The following UGT1A4 variants were observed in gnomAD, a reference collection of about 807,000 sequenced individuals.
UGT1A4 encodes the protein UDP glucuronosyltransferase family 1 member A4, also known as UDP-glucuronosyltransferase 1A4.
UGT1A4 carries 32 observed loss-of-function variants against 41.1 expected under a neutral mutation model. That is an observed-to-expected ratio of 0.78 (90% confidence interval 0.59 to 1.05). The LOEUF is 1.05. UGT1A4 is among the 50% of genes least tolerant of loss of function. The pLI, the probability that UGT1A4 is intolerant of heterozygous loss-of-function variation, is 0.00. For synonymous variants in UGT1A4, 283 were observed against 265.1 expected (o/e 1.07, Z -0.66); for missense variants, 748 against 677.4 (o/e 1.10, Z -1.16).
At chr2:233,760,143 G>C (rs2125979116) in intron 1 of UGT1A4, 1 of 1,431,624 alleles carries the variant, frequency 7.0e-7, no homozygotes, top group Non-Finnish European at 9.3e-7. Flanking sequence ...ATCTCTGAAA[G>C]TGAACTCCCT....
chr2:233,723,522 T>TC (rs2077093722), intron 1 of UGT1A4, among the ~76,000 whole-genome samples: 1 of 114,298 alleles, frequency 8.7e-6, no homozygotes. Flanking sequence ...CAATCTTTTT[T>TC]TTTTTTTTTT....
Position 233,767,867 on chromosome 2 carries a change from G to A in UGT1A4, c.1018G>A (p.Gly340Arg). ...CTCCCAGGTCCTGTGGCGGTACACTGGAACCCGACCATCGAATCTTGCGAA... is the reference window on the plus strand; with the variant it reads ...CTCCCAGGTCCTGTGGCGGTACACTAGAACCCGACCATCGAATCTTGCGAA... ...IPQTVLWRYT[G>R]TRPSNLANNT... Residue 340 changes from glycine to arginine, a missense_variant, in exon 3 of 5, where the codon GGA (glycine) becomes AGA (arginine). Coordinates refer to ENST00000373409, the MANE Select transcript of UGT1A4 (RefSeq NM_007120.3). The A allele has an allele frequency of 1.2e-6, 2 of 1,614,118 alleles. No individual in the cohort carries two copies. Among genetic ancestry groups the A allele is most frequent in the Non-Finnish European group, 1.7e-6 (2 of 1,180,024 alleles).
Position 233,719,574 on chromosome 2 carries a change from G to A in UGT1A4, c.754G>A (p.Ala252Thr), listed in dbSNP as rs2076782937. 1 of 1,613,926 alleles carries A rather than the reference G, an allele frequency of 6.2e-7. No homozygotes were observed. Among genetic ancestry groups the A allele is most frequent in the Non-Finnish European group, 8.5e-7 (1 of 1,179,874 alleles). Residue 252 changes from alanine (A) to threonine (T), a missense_variant, in exon 1 of 5, where the codon GCA becomes ACA. By Grantham distance (58) the Ala-to-Thr change is moderately conservative. Transcript: ENST00000373409. ...EVSVVDLVSY[A>T]SVWLFRGDFV... is the part of the protein sequence containing the mutation. ...GTCAGTGGTGGATCTTGTCAGCTAT[G>A]CATCCGTGTGGCTGTTCCGAGGGGA... is the stretch of plus-strand genomic sequence containing the variant.
chr2:233,738,354 G>A lies in UGT1A4; in HGVS notation c.867+18667G>A, dbSNP rs1033187922. Among the ~76,000 whole-genome samples the A allele has an allele frequency of 9.2e-5, 14 of 152,188 alleles. 1 individual carries two copies. Among genetic ancestry groups the A allele is most frequent in the Admixed American group, 7.2e-4 (11 of 15,278 alleles). The stretch of plus-strand genomic sequence containing the variant: ...ACAGTAAATTGGTGTCATGGAGAGT[G>A]GGGTACTGCTATAAAACTACTTGAA... On this transcript the variant is annotated intron_variant, in intron 1 of 4. Coordinates refer to ENST00000373409, the MANE Select transcript of UGT1A4 (RefSeq NM_007120.3).
At chr2:233,758,675 G>A (rs1391896558) in intron 1 of UGT1A4, among the ~76,000 whole-genome samples, 10 of 152,156 alleles carry the variant, frequency 6.6e-5, no homozygotes, top group Admixed American at 6.5e-4. Flanking sequence ...CTGTTAATAT[G>A]TCCCATAGGA....
intron 1 of UGT1A4, among the ~76,000 whole-genome samples, chr2:233,751,632 T>C (rs1694768911): frequency 1.3e-5 from 2 of 152,196 alleles, no homozygotes; most frequent in Non-Finnish European, 2.9e-5. Context: ...ATGTGTGCAG[T>C]TTCCCCCTTG....
At chr2:233,741,628 C>T (rs1691725357) in intron 1 of UGT1A4, 1 of 151,848 alleles carries the variant, frequency 6.6e-6, no homozygotes, top group Non-Finnish European at 1.5e-5. Context: ...CCCCATGAGC[C>T]CCTGTGGGAT....
intron 1 of UGT1A4, among the ~76,000 whole-genome samples, chr2:233,757,266 G>A (rs1402827144): frequency 1.5e-5 from 2 of 132,588 alleles, no homozygotes; most frequent in African/African-American, 5.6e-5. Context: ...GGTGGCAGCC[G>A]ATGCAATGAT....
intron 1 of UGT1A4, chr2:233,743,987 G>A (rs576123874): frequency 1.6e-6 from 2 of 1,278,832 alleles, no homozygotes; most frequent in East Asian, 4.9e-5. Flanking sequence ...CCAGGCGCAG[G>A]CCCGAGTGCT....
chr2:233,751,108 A>G, intron 1 of UGT1A4, among the ~76,000 whole-genome samples: 1 of 151,960 alleles, frequency 6.6e-6, no homozygotes. Context: ...TTGCCCTGCA[A>G]GCCACAGTGT....
rs1408103062 is a variant in UGT1A4 at position 233,767,311 on chromosome 2, TTTG to T, written c.999+154_999+156del. On this transcript the variant is annotated intron_variant, in intron 2 of 4. Coordinates refer to ENST00000373409, the MANE Select transcript of UGT1A4 (RefSeq NM_007120.3). The stretch of plus-strand genomic sequence containing the variant: ...CCCAACTATTAATCCAAAGGTTTTT[TTTG>T]TTGTTGTGGTTGTTGTCATTGTTTT... 34 of 1,514,266 alleles carry T rather than the reference TTTG, an allele frequency of 2.2e-5. No homozygotes were observed. In the African/African-American group the frequency reaches 2.9e-4, roughly 13 times the overall value. The allele number at this position is 1,514,266 out of a possible 1,614,324, so 93.8% of individuals were successfully genotyped here. A position where few individuals can be genotyped will look rare whatever the true frequency, so the allele number is the denominator to read the frequency against.
intron 1 of UGT1A4, among the ~76,000 whole-genome samples, chr2:233,739,789 G>C (rs1409404802): frequency 6.6e-6 from 1 of 152,118 alleles, no homozygotes; most frequent in African/African-American, 2.4e-5. Context: ...AGACTTTGGA[G>C]GACAGTTGGG....
chr2:233,735,194 G>A (rs1453877809), intron 1 of UGT1A4, among the ~76,000 whole-genome samples: 1 of 152,090 alleles, frequency 6.6e-6, no homozygotes, highest in Admixed American at 6.5e-5. Flanking sequence ...GAATCTAGGT[G>A]CTCCTGTATT....
chr2:233,724,557 GAT>G (rs2077281527), intron 1 of UGT1A4, among the ~76,000 whole-genome samples: 1 of 126,690 alleles, frequency 7.9e-6, no homozygotes, highest in Non-Finnish European at 1.7e-5. Flanking sequence ...TCACATCCCA[GAT>G]GGGGCGGCGG....
intron 1 of UGT1A4, among the ~76,000 whole-genome samples, chr2:233,757,571 A>G (rs112550375): frequency 3.9e-5 from 3 of 77,334 alleles, no homozygotes; most frequent in African/African-American, 1.8e-4. Flanking sequence ...TGTATATATG[A>G]TATAGCTATA....
chr2:233,729,639 T>A (rs765411725), intron 1 of UGT1A4: 2 of 1,613,956 alleles, frequency 1.2e-6, no homozygotes, highest in South Asian at 2.2e-5. Flanking sequence ...CTACTGTGTT[T>A]TTTTTGAGGA....
At chr2:233,745,702 A>T (rs1693179488) in intron 1 of UGT1A4, among the ~76,000 whole-genome samples, 1 of 150,000 alleles carries the variant, frequency 6.7e-6, no homozygotes, top group East Asian at 2.0e-4. Flanking sequence ...GAGAACAACA[A>T]GTGATCCAGA....
intron 4 of UGT1A4, chr2:233,771,178 A>T (rs1700251427): frequency 6.6e-6 from 1 of 152,240 alleles, no homozygotes; most frequent in African/African-American, 2.4e-5. Flanking sequence ...GGGGATTACA[A>T]TTCAACATGA....
At chr2:233,767,365 A>C (rs559747453) in intron 2 of UGT1A4, among the ~76,000 whole-genome samples, 200 bp downstream of exon 2, 45 of 152,316 alleles carry the variant, frequency 3.0e-4, no homozygotes, top group Non-Finnish European at 4.4e-4. Flanking sequence ...ATACTCTATT[A>C]AACTATGATC....
Sources: gnomAD v4.1 joint callset for allele counts (sites outside exome capture counted in the v4.1 genomes callset) on GRCh38, gnomAD v4.1.1 for gene constraint, MANE v1.5 for transcripts, NCBI Gene and HGNC (gene_info 2026-07-23, HGNC 2026-07-21) for gene names.